ABCB11: variants seen among roughly 807,000 people sequenced by gnomAD.
ABCB11 encodes bile salt export pump.
ABCB11 carries 95 observed loss-of-function variants against 148.0 expected under a neutral mutation model. That is an observed-to-expected ratio of 0.64 (90% CI 0.54 to 0.76). The LOEUF (loss-of-function observed/expected upper bound fraction) is 0.76, where lower values mean the gene tolerates loss of function less well. ABCB11 is among the 30% of genes least tolerant of loss of function. ABCB11 has a pLI of 0.00. For missense variants in ABCB11, 1,523 were observed against 1,617.8 expected, an observed-to-expected ratio of 0.94 and a Z score of 1.01; for synonymous variants, 591 against 555.4, an observed-to-expected ratio of 1.06 and a Z score of -0.90.
Position 168,979,867 on chromosome 2 carries a change from CTGTCTAT to C in ABCB11, c.1189_1195del (p.Ile397GlyfsTer27), listed in dbSNP as rs1240532165. The stretch of plus-strand genomic sequence containing the variant: ...CCTTTACTTTTGGCTTATACATACC[CTGTCTAT>C]TGTCTCAAAAATGCTGGTGGCTGCT... On this transcript the variant is annotated frameshift_variant and splice_region_variant, in exon 11 of 28. Transcript: ENST00000650372. LOFTEE classifies it high-confidence loss of function. 6.2e-7 allele frequency: 1 copy of C among 1,602,714 alleles called. No individual in the cohort carries two copies. The highest frequency in any genetic ancestry group is 8.5e-7 in the Non-Finnish European group (1 of 1,172,284).
At chr2:169,030,836 A>G (rs1211228699) in intron 1 of ABCB11, among the ~76,000 whole-genome samples, 2 of 152,232 alleles carry the variant, frequency 1.3e-5, no homozygotes, top group African/African-American at 2.4e-5. Flanking sequence ...ATTTGTGATC[A>G]TTGAATCTGT....
At chr2:168,967,863 A>C (rs1458324440) in intron 17 of ABCB11, among the ~76,000 whole-genome samples, 1 of 151,968 alleles carries the variant, frequency 6.6e-6, no homozygotes, top group African/African-American at 2.4e-5. Context: ...ATATATTTTG[A>C]AAGTAAACAG....
At chr2:168,963,029 C>T (rs1370528415) in intron 18 of ABCB11, among the ~76,000 whole-genome samples, 3 of 151,724 alleles carry the variant, frequency 2.0e-5, no homozygotes, top group African/African-American at 7.3e-5. Context: ...AAAGAGTACT[C>T]TACTTTATTC....
Position 168,970,086 on chromosome 2 carries a change from C to T in ABCB11, c.1768G>A (p.Asp590Asn). Residue 590 changes from aspartate (D) to asparagine (N), a missense_variant, in exon 15 of 28, where the codon GAC becomes AAC. Transcript: ENST00000650372. ...TGCACCATGGCTTCACTCTCATTGT[C>T]CAGAGCTGAGGTGGCCATGTCCAAA... is the stretch of plus-strand genomic sequence containing the variant. ...LLLDMATSAL[D>N]NESEAMVQEV... is the part of the protein sequence containing the mutation. 1 of 1,612,864 alleles carries T rather than the reference C, an allele frequency of 6.2e-7. No individual in the cohort carries two copies. The highest frequency in any genetic ancestry group is 8.5e-7 in the Non-Finnish European group (1 of 1,179,200).
At chr2:168,980,016 G>A in intron 10 of ABCB11, 37 bp from the exon 11 acceptor site, 1 of 1,271,312 alleles carries the variant, frequency 7.9e-7, no homozygotes, top group Non-Finnish European at 1.1e-6. Flanking sequence ...ATGTGTTTTT[G>A]TTAATGTGTA....
intron 12 of ABCB11, among the ~76,000 whole-genome samples, chr2:168,974,419 C>A (rs919388397): frequency 2.0e-5 from 3 of 151,484 alleles, no homozygotes; most frequent in African/African-American, 7.3e-5. Context: ...GAAGCTAATT[C>A]ATAACTATCT....
chr2:168,953,309 C>A (rs1270888375), intron 19 of ABCB11, among the ~76,000 whole-genome samples: 3 of 151,552 alleles, frequency 2.0e-5, no homozygotes, highest in African/African-American at 7.3e-5. Flanking sequence ...ATGTTAAATT[C>A]CCCCACTATT....
chr2:168,965,831 C>T (rs1307708237), intron 17 of ABCB11, among the ~76,000 whole-genome samples: 2 of 151,860 alleles, frequency 1.3e-5, no homozygotes, highest in Non-Finnish European at 2.9e-5. Context: ...ACTATATGCT[C>T]ATCTAGCCTT....
At chr2:168,946,816 G>A (rs969025812) in intron 19 of ABCB11, among the ~76,000 whole-genome samples, 5 of 151,142 alleles carry the variant, frequency 3.3e-5, no homozygotes, top group African/African-American at 1.2e-4. Context: ...TTGGCTTCTG[G>A]TGCAGTGGTT....
rs150522722 is a variant in ABCB11, at chr2:168,970,633, T to A, written c.1639-418A>T. The A allele has an allele frequency of 6.1e-5, 19 of 311,520 alleles. No homozygotes were observed. In the Admixed American group the frequency reaches 8.1e-4, roughly 13 times the overall value. The allele number at this position is 311,520 out of a possible 1,614,324, so 19.3% of individuals were successfully genotyped here. Reference sequence around the variant, plus strand: ...TTACATTATGAATAAAAGGTCAAACTAGCTTTATAAGGATTATCATTGACA... The same window carrying A: ...TTACATTATGAATAAAAGGTCAAACAAGCTTTATAAGGATTATCATTGACA... On this transcript the variant is annotated intron_variant, in intron 14 of 27. Transcript: ENST00000650372.
chr2:168,944,282 TG>T (rs4148802), intron 21 of ABCB11, among the ~76,000 whole-genome samples: 74,902 of 151,712 alleles, frequency 0.49, 19,578 homozygotes, highest in South Asian at 0.66. Context: ...ACCCACCCCC[TG>T]GGGGGCAGTA....
At chr2:168,985,000 C>G (rs1437402579) in intron 10 of ABCB11, among the ~76,000 whole-genome samples, 1 of 151,226 alleles carries the variant, frequency 6.6e-6, no homozygotes, top group Non-Finnish European at 1.5e-5. Context: ...AGACAACCCA[C>G]AGGATGGGAG....
rs192788039 is a variant in ABCB11, at chr2:168,922,071, A to G, written c.*1551T>C. ...TCACCATGTTAGCCAGGATGGTCTC[A>G]ATCTCTCGACCTCATGATCCGCCCG... is the stretch of plus-strand genomic sequence containing the variant. On this transcript the variant is annotated 3_prime_UTR_variant, in exon 28 of 28. Transcript: ENST00000650372. Among the ~76,000 whole-genome samples the G allele has an allele frequency of 2.2e-3, 332 of 151,908 alleles. 3 individuals carry two copies. In the East Asian group the frequency reaches 0.041, roughly 19 times the overall value.
chr2:169,009,498 T>C (rs1184868249), intron 5 of ABCB11, among the ~76,000 whole-genome samples: 1 of 145,900 alleles, frequency 6.9e-6, no homozygotes. Context: ...AAACACTACA[T>C]GTTCTCACTC....
intron 23 of ABCB11, among the ~76,000 whole-genome samples, chr2:168,934,633 A>G (rs1048984878): frequency 6.6e-6 from 1 of 152,194 alleles, no homozygotes; most frequent in Non-Finnish European, 1.5e-5. Context: ...ACAGTTCTCT[A>G]TGAACCATCT....
At chr2:168,917,980 T>G (rs1462644802), downstream of ABCB11, among the ~76,000 whole-genome samples, 1 of 152,160 alleles carries the variant, frequency 6.6e-6, no homozygotes, top group African/African-American at 2.4e-5. Flanking sequence ...GATGGCAATA[T>G]TTTGGATATG....
intron 5 of ABCB11, among the ~76,000 whole-genome samples, chr2:169,002,813 A>C (rs1694914377): frequency 6.6e-6 from 1 of 152,126 alleles, no homozygotes; most frequent in African/African-American, 2.4e-5. Flanking sequence ...AAAAATACAA[A>C]ATTTCAATTA....
In ABCB11 at chr2:168,955,639, C is replaced by T. The variant is rs774582276; in HGVS notation, c.2343+2325G>A. Among the ~76,000 whole-genome samples the T allele has an allele frequency of 2.0e-5, 3 of 151,488 alleles. No individual in the cohort carries two copies. In the East Asian group the frequency reaches 5.9e-4, roughly 30 times the overall value. ...AGAGCCAAACCATATCATTCCGCCC[C>T]TGACCCCTCCAAAAACTCATGTCCT... On this transcript the variant is annotated intron_variant, in intron 19 of 27. Transcript: ENST00000650372.
At chr2:168,962,294 G>A (rs777432230) in intron 18 of ABCB11, among the ~76,000 whole-genome samples, 1 of 151,642 alleles carries the variant, frequency 6.6e-6, no homozygotes, top group South Asian at 2.1e-4. Flanking sequence ...ATATAACTGA[G>A]TTTAATTGTT....
Sources: allele counts gnomAD v4.1 joint callset (sites outside exome capture counted in the v4.1 genomes callset), GRCh38; gene constraint gnomAD v4.1.1; transcripts MANE v1.5; gene names NCBI Gene and HGNC (gene_info 2026-07-23, HGNC 2026-07-21).